Variants in UCP1 observed in about 807,000 individuals in gnomAD.
UCP1 encodes uncoupling protein 1.
In UCP1, 24 loss-of-function variants were observed where a neutral mutation model predicts 26.2. The observed-to-expected ratio is 0.92, with a 90% CI of 0.66 to 1.29. The LOEUF is 1.29. Among genes scored for constraint, UCP1 ranks in the 50% most tolerant of loss-of-function variants. UCP1 has a pLI of 0.00. For synonymous variants in UCP1, 164 were observed against 156.8 expected (o/e 1.05, Z -0.34); for missense variants, 402 against 388.7 (o/e 1.03, Z -0.29).
intron 5 of UCP1, among the ~76,000 whole-genome samples, chr4:140,561,983 T>C (rs917436451): frequency 2.0e-5 from 3 of 152,224 alleles, no homozygotes; most frequent in Non-Finnish European, 4.4e-5. Context: ...GAGCCTTTGA[T>C]CAAAGTTGAG....
chr4:140,560,471 A>G (rs1413659072), intron 5 of UCP1, among the ~76,000 whole-genome samples: 1 of 151,904 alleles, frequency 6.6e-6, no homozygotes, highest in Non-Finnish European at 1.5e-5. Flanking sequence ...TCCTTTTTTG[A>G]GGGAAGGGGG....
rs1013876401 is a variant in UCP1, at chr4:140,568,796, C to T, written c.-67G>A. The T allele has an allele frequency of 2.6e-6, 4 of 1,538,968 alleles. No homozygotes were observed. Among genetic ancestry groups the T allele is most frequent in the Non-Finnish European group, 3.5e-6 (4 of 1,147,488 alleles). ...CCCCGAAGGTGGAGGAAGTTCCTTT[C>T]CCTTGCTCTTCACGCCTGTCCGCCG... On this transcript the variant is annotated 5_prime_UTR_variant, in exon 1 of 6. Transcript: ENST00000262999.
chr4:140,562,177 C>T lies in UCP1; in HGVS notation c.809+16G>A. ...ACAGCCAGAACACATTACAGATACA[C>T]AAGATCATATCTTACCCCTTGAAGA... On this transcript the variant is annotated intron_variant, in intron 5 of 5. Transcript: ENST00000262999. 1.2e-6 allele frequency: 2 copies of T among 1,614,104 alleles called. No individual in the cohort carries two copies. The highest frequency in any genetic ancestry group is 2.2e-5 in the South Asian group (2 of 91,084).
At chr4:140,563,080 A>C (rs376457797) in intron 4 of UCP1, 30 bp downstream of exon 4, 1 of 1,555,914 alleles carries the variant, frequency 6.4e-7, no homozygotes, top group African/African-American at 1.4e-5. Flanking sequence ...AAAGGTGCAG[A>C]CCTGTTTGTT....
Position 140,559,727 on chromosome 4 carries a change from T to G in UCP1, c.*169A>C. 4.7e-6 allele frequency: 3 copies of G among 642,308 alleles called. No homozygotes were observed. In the South Asian group the frequency reaches 5.9e-5, roughly 13 times the overall value. The allele number at this position is 642,308 out of a possible 1,614,324, so 39.8% of individuals were successfully genotyped here. A position where few individuals can be genotyped will look rare whatever the true frequency, so the allele number is the denominator to read the frequency against. Reference sequence around the variant, plus strand: ...TAAGACACTGAGAAAAAAAAAAAGTTATATGAAATAGGCATTAATTTTCCT... The same window carrying G: ...TAAGACACTGAGAAAAAAAAAAAGTGATATGAAATAGGCATTAATTTTCCT... On this transcript the variant is annotated 3_prime_UTR_variant, in exon 6 of 6. Transcript: ENST00000262999.
Position 140,563,364 on chromosome 4 carries a change from C to G in UCP1, c.480G>C (p.Ala160=). The G allele has an allele frequency of 6.2e-7, 1 of 1,614,078 alleles. No homozygotes were observed. The highest frequency in any genetic ancestry group is 8.5e-7 in the Non-Finnish European group (1 of 1,180,020). ...CTTCGGTTGTTGCTATTATTCTGTA[C>G]GCATTATAAGTCCCCGTGTAGCGAG... ...IKPRYTGTYN[A]YRIIATTEGL... The change falls in exon 3 of 6, where the codon GCG becomes GCC. Residue 160 remains alanine, a synonymous_variant. Transcript: ENST00000262999.
chr4:140,565,270 T>C (rs1735771946), intron 2 of UCP1, among the ~76,000 whole-genome samples: 1 of 152,190 alleles, frequency 6.6e-6, no homozygotes. Context: ...TCATCTCATA[T>C]TTCTACCTGT....
chr4:140,568,827 C>G lies in UCP1; in HGVS notation c.-98G>C. ...CTCTTCACGCCTGTCCGCCGGGCAG[C>G]AAACCCGATTTCTGTTTTTTGAACC... On this transcript the variant is annotated 5_prime_UTR_variant, in exon 1 of 6. Coordinates refer to ENST00000262999, the MANE Select transcript of UCP1 (RefSeq NM_021833.5). 1 of 1,521,932 alleles carries G rather than the reference C, an allele frequency of 6.6e-7. No homozygotes were observed. The highest frequency in any genetic ancestry group is 1.7e-4 in the Middle Eastern group (1 of 5,774). The allele number at this position is 1,521,932 out of a possible 1,614,324, so 94.3% of individuals were successfully genotyped here.
At position 140,562,366 on chromosome 4, in the gene UCP1, G is replaced by A; in HGVS notation, c.636C>T (p.Val212=). The A allele has an allele frequency of 6.2e-7, 1 of 1,613,996 alleles. No individual in the cohort carries two copies. The highest frequency in any genetic ancestry group is 8.5e-7 in the Non-Finnish European group (1 of 1,179,968). ...FVKNNILADD[V]PCHLVSALIA... ...TAAGAGCCGACACCAAGTGGCAGGG[G>A]ACGTCATCTAAAATGGATCGATGAA... is the stretch of plus-strand genomic sequence containing the variant. Residue 212 remains valine, a synonymous_variant, in exon 5 of 6, where the codon GTC becomes GTT. Transcript: ENST00000262999.
chr4:140,567,740 A>C (rs773673102), intron 2 of UCP1, 39 bp downstream of exon 2: 43 of 1,612,142 alleles, frequency 2.7e-5, no homozygotes, highest in Middle Eastern at 1.9e-4. Flanking sequence ...AGCGGAGCCC[A>C]AGGCTTTTCT....
intron 2 of UCP1, among the ~76,000 whole-genome samples, chr4:140,566,693 TA>T (rs1321941159): frequency 4.6e-5 from 7 of 152,230 alleles, no homozygotes; most frequent in African/African-American, 1.7e-4. Context: ...GGATTTCACT[TA>T]ATGTATTCAT....
chr4:140,563,327 G>T lies in UCP1; in HGVS notation c.517C>A (p.Leu173Ile). The T allele has an allele frequency of 6.2e-7, 1 of 1,614,094 alleles. No homozygotes were observed. The stretch of plus-strand genomic sequence containing the variant: ...TTTTGAAGTTAGTTACCTTTCCAAA[G>T]ACCCGTCAAGCCTTCGGTTGTTGCT... ...IIATTEGLTGLWKGTTPNLMR... is the reference protein window; with the variant it reads ...IIATTEGLTGIWKGTTPNLMR... The change falls in exon 3 of 6, where the codon CTT (leucine) becomes ATT (isoleucine). Residue 173 changes from leucine to isoleucine, a missense_variant. Physicochemically the swap from Leu to Ile is conservative, Grantham distance 5. Transcript: ENST00000262999.
chr4:140,560,748 C>CAA lies in UCP1; in HGVS notation c.810-740_810-739dup, dbSNP rs5862487. Among the ~76,000 whole-genome samples the CAA allele has an allele frequency of 4.2e-3, 610 of 146,812 alleles. 1 individual carries two copies. The highest frequency in any genetic ancestry group is 5.2e-3 in the African/African-American group (211 of 40,386). On this transcript the variant is annotated intron_variant, in intron 5 of 5. Coordinates refer to ENST00000262999, the MANE Select transcript of UCP1 (RefSeq NM_021833.5). The stretch of plus-strand genomic sequence containing the variant: ...CTTCCCAATGTGGGGTATTTTGCTG[C>CAA]AAAAAAAAAAAATCATAAAATTACA...
rs1292764678 is a variant in UCP1 at position 140,559,796 on chromosome 4, T to G, written c.*100A>C. On this transcript the variant is annotated 3_prime_UTR_variant, in exon 6 of 6. Transcript: ENST00000262999. Reference sequence around the variant, plus strand: ...TCCAAAATTCTCTGCCAAAATTCCTTTATCTTTTTAGGTTAAAATAAGTGA... The same window carrying G: ...TCCAAAATTCTCTGCCAAAATTCCTGTATCTTTTTAGGTTAAAATAAGTGA... 5.2e-6 allele frequency: 6 copies of G among 1,161,520 alleles called. No individual in the cohort carries two copies. The highest frequency in any genetic ancestry group is 7.5e-6 in the Non-Finnish European group (6 of 802,588). The allele number at this position is 1,161,520 out of a possible 1,614,324, so 72.0% of individuals were successfully genotyped here.
At position 140,562,981 on chromosome 4, in the gene UCP1, T is replaced by C. The variant is rs918866456; in HGVS notation, c.628+129A>G. On this transcript the variant is annotated intron_variant, in intron 4 of 5. Coordinates refer to ENST00000262999, the MANE Select transcript of UCP1 (RefSeq NM_021833.5). ...TGCTTCTCACAAAGTTATATATGGT[T>C]CAAAATTACTTAATTTTTAAAAAGA... is the stretch of plus-strand genomic sequence containing the variant. 6 of 820,100 alleles carry C rather than the reference T, an allele frequency of 7.3e-6. No individual in the cohort carries two copies. The African/African-American group carries it at 1.0e-4, about 14-fold the overall frequency. 50.8% of individuals were successfully genotyped at this position (820,100 alleles called of 1,614,324 possible). A position where few individuals can be genotyped will look rare whatever the true frequency, so the allele number is the denominator to read the frequency against.
At position 140,559,741 on chromosome 4, in the gene UCP1, A is replaced by T. The variant is rs759678772; in HGVS notation, c.*155T>A. On this transcript the variant is annotated 3_prime_UTR_variant, in exon 6 of 6. Coordinates refer to ENST00000262999, the MANE Select transcript of UCP1 (RefSeq NM_021833.5). Reference sequence around the variant, plus strand: ...AAAAAAAAAGTTATATGAAATAGGCATTAATTTTCCTCTTTTTTATATAAA... The same window carrying T: ...AAAAAAAAAGTTATATGAAATAGGCTTTAATTTTCCTCTTTTTTATATAAA... 4.3e-6 allele frequency: 3 copies of T among 699,144 alleles called. No homozygotes were observed. The highest frequency in any genetic ancestry group is 7.2e-6 in the Non-Finnish European group (3 of 417,700). 43.3% of individuals were successfully genotyped at this position (699,144 alleles called of 1,614,324 possible).
Position 140,559,802 on chromosome 4 carries a change from T to A in UCP1, c.*94A>T. 2.5e-6 allele frequency: 3 copies of A among 1,219,770 alleles called. No individual in the cohort carries two copies. Among genetic ancestry groups the A allele is most frequent in the Non-Finnish European group, 3.5e-6 (3 of 849,484 alleles). The allele number at this position is 1,219,770 out of a possible 1,614,324, so 75.6% of individuals were successfully genotyped here. A position where few individuals can be genotyped will look rare whatever the true frequency, so the allele number is the denominator to read the frequency against. The stretch of plus-strand genomic sequence containing the variant: ...ATTCTCTGCCAAAATTCCTTTATCT[T>A]TTTAGGTTAAAATAAGTGAATAAGT... On this transcript the variant is annotated 3_prime_UTR_variant, in exon 6 of 6. Coordinates refer to ENST00000262999, the MANE Select transcript of UCP1 (RefSeq NM_021833.5).
At chr4:140,568,108 CGTGTGTGTGTGTGT>C (rs3138733) in intron 1 of UCP1, 131 bp from the exon 2 acceptor site, 50,914 of 638,386 alleles carry the variant, frequency 0.08, 1,185 homozygotes, top group African/African-American at 0.16. Context: ...CTCCCTCTAC[CGTGTGTGTGTGTGT>C]GTGTGTGTGT....
chr4:140,559,958 A>G lies in UCP1; in HGVS notation c.862T>C (p.Cys288Arg). ...AGTTCTCGTTTCAGTTGTTCAAAGC[A>G]CACAAACATAATGACGTTCCAGGAT... is the stretch of plus-strand genomic sequence containing the variant. ...LGSWNVIMFVCFEQLKRELSK... is the reference protein window; with the variant it reads ...LGSWNVIMFVRFEQLKRELSK... The change falls in exon 6 of 6, where the codon TGC (cysteine) becomes CGC (arginine). Residue 288 changes from cysteine to arginine, a missense_variant. Physicochemically the swap from Cys to Arg is radical, Grantham distance 180 (BLOSUM62 -3). Coordinates refer to ENST00000262999, the MANE Select transcript of UCP1 (RefSeq NM_021833.5). 6.2e-7 allele frequency: 1 copy of G among 1,614,162 alleles called. No individual in the cohort carries two copies. The highest frequency in any genetic ancestry group is 1.1e-5 in the South Asian group (1 of 91,078).
Sources: allele counts gnomAD v4.1 joint callset (sites outside exome capture counted in the v4.1 genomes callset), GRCh38; gene constraint gnomAD v4.1.1; transcripts MANE v1.5; gene names NCBI Gene and HGNC (gene_info 2026-07-23, HGNC 2026-07-21).